The following GRK5 variants were observed in gnomAD, a reference collection of about 807,000 sequenced individuals.
GRK5 encodes the protein G protein-coupled receptor kinase 5.
GRK5 carries 40 observed loss-of-function variants against 78.4 expected under a neutral mutation model. The observed-to-expected ratio is 0.51, with a 90% CI of 0.40 to 0.66. The LOEUF (loss-of-function observed/expected upper bound fraction) is 0.66, where lower values mean the gene tolerates loss of function less well. Among genes scored for constraint, GRK5 ranks in the 30% least tolerant of loss-of-function variants. The pLI, the probability that GRK5 is intolerant of heterozygous loss-of-function variation, is 0.00. For missense variants in GRK5, 598 were observed against 759.9 expected (o/e 0.79, Z 2.50); for synonymous variants, 289 against 296.8 (o/e 0.97, Z 0.27).
intron 2 of GRK5, among the ~76,000 whole-genome samples, chr10:119,380,520 C>G (rs1179105148): frequency 2.0e-5 from 3 of 152,208 alleles, no homozygotes; most frequent in African/African-American, 7.2e-5. Flanking sequence ...TGCTTAATGG[C>G]CACCAAGGAG....
chr10:119,436,929 G>C (rs1056909415), intron 9 of GRK5, 88 bp downstream of exon 9: 2 of 1,261,924 alleles, frequency 1.6e-6, no homozygotes, highest in African/African-American at 3.0e-5. Flanking sequence ...GGTTGCCATC[G>C]CTCTGGGAAT....
intron 1 of GRK5, among the ~76,000 whole-genome samples, chr10:119,313,071 A>ATGG (rs547118391): frequency 4.9e-5 from 1 of 20,306 alleles, no homozygotes; most frequent in Non-Finnish European, 9.8e-5. Flanking sequence ...GGTGGTGGTG[A>ATGG]TGGTGGTGGT....
chr10:119,337,780 C>T (rs1012163114), intron 2 of GRK5, among the ~76,000 whole-genome samples: 45 of 152,066 alleles, frequency 3.0e-4, no homozygotes, highest in Non-Finnish European at 4.1e-4. Flanking sequence ...CCACTGTGCC[C>T]GGCTAATTTT....
chr10:119,275,478 T>C (rs1046023168), intron 1 of GRK5, among the ~76,000 whole-genome samples: 3 of 152,164 alleles, frequency 2.0e-5, no homozygotes, highest in Non-Finnish European at 4.4e-5. Context: ...GGAGAATTGA[T>C]ACAGAGGAAG....
Position 119,366,962 on chromosome 10 carries a change from C to T in GRK5, c.149-13853C>T, listed in dbSNP as rs140341656. Among the ~76,000 whole-genome samples, 3 of 152,300 alleles carry T rather than the reference C, an allele frequency of 2.0e-5. No homozygotes were observed. The East Asian group carries it at 5.8e-4, about 29-fold the overall frequency. ...TCCTTCTCAGTGTCTCGATTTTAGG[C>T]ATCTAAAATGTGGGCTGATGATAGC... On this transcript the variant is annotated intron_variant, in intron 2 of 15. Coordinates refer to ENST00000392870, the MANE Select transcript of GRK5 (RefSeq NM_005308.3).
chr10:119,421,999 C>A (rs1852579730), intron 4 of GRK5, among the ~76,000 whole-genome samples: 1 of 152,184 alleles, frequency 6.6e-6, no homozygotes, highest in African/African-American at 2.4e-5. Flanking sequence ...CTTAGCAAAT[C>A]AGCCCCATAG....
chr10:119,328,815 G>C (rs1850721662), intron 2 of GRK5, among the ~76,000 whole-genome samples: 1 of 152,258 alleles, frequency 6.6e-6, no homozygotes, highest in Non-Finnish European at 1.5e-5. Context: ...TGGCTAAACT[G>C]TCTGCAGGTG....
rs1289718297 is a variant in GRK5, at chr10:119,378,424, G to A, written c.149-2391G>A. ...CATGCTGATCCAAATACTCACTCGG[G>A]AGAGAATGAAACGTTTTAGAGTGCC... On this transcript the variant is annotated intron_variant, in intron 2 of 15. Transcript: ENST00000392870. The surrounding 1 kb of genome is among the most constrained non-coding windows in gnomAD (Gnocchi z 4.5). Among the ~76,000 whole-genome samples the A allele has an allele frequency of 1.3e-5, 2 of 152,218 alleles. No individual in the cohort carries two copies. The highest frequency in any genetic ancestry group is 2.9e-5 in the Non-Finnish European group (2 of 68,030).
chr10:119,313,313 G>A (rs1850429691), intron 1 of GRK5, among the ~76,000 whole-genome samples: 1 of 151,876 alleles, frequency 6.6e-6, no homozygotes, highest in African/African-American at 2.4e-5. Flanking sequence ...TGATGATGGT[G>A]GTGGCAATGG....
intron 2 of GRK5, among the ~76,000 whole-genome samples, chr10:119,344,123 T>G (rs914638077): frequency 6.6e-6 from 1 of 151,932 alleles, no homozygotes; most frequent in Admixed American, 6.5e-5. Flanking sequence ...TTATTTTTTA[T>G]TTTTTTGGCC....
intron 2 of GRK5, among the ~76,000 whole-genome samples, chr10:119,358,694 C>A (rs140135255): frequency 6.7e-4 from 102 of 152,302 alleles, no homozygotes; most frequent in Non-Finnish European, 1.2e-3. Flanking sequence ...AGCACTGAGC[C>A]TCAAGCCTTG....
chr10:119,312,647 G>A (rs1850379436), intron 1 of GRK5, among the ~76,000 whole-genome samples: 1 of 152,180 alleles, frequency 6.6e-6, no homozygotes, highest in Non-Finnish European at 1.5e-5. Context: ...AGGTGAGAGT[G>A]GGAGGAGGTG....
intron 4 of GRK5, among the ~76,000 whole-genome samples, chr10:119,405,392 A>T (rs552858361): frequency 6.6e-6 from 1 of 152,292 alleles, no homozygotes; most frequent in South Asian, 2.1e-4. Flanking sequence ...AGGGTAAGAC[A>T]GGGAAGTTGG....
At chr10:119,400,457 T>G (rs1852130958) in intron 4 of GRK5, among the ~76,000 whole-genome samples, 1 of 152,176 alleles carries the variant, frequency 6.6e-6, no homozygotes, top group African/African-American at 2.4e-5. Flanking sequence ...GCTCCTAGCA[T>G]CTGATGCGTA....
intron 1 of GRK5, among the ~76,000 whole-genome samples, chr10:119,212,207 GA>G (rs1436766196): frequency 6.6e-6 from 1 of 151,750 alleles, no homozygotes; most frequent in Admixed American, 6.6e-5. Context: ...TGGAGGTAGA[GA>G]AACCAAAAGC....
Position 119,452,811 on chromosome 10 carries a change from G to A in GRK5, c.1542+3G>A. The A allele has an allele frequency of 1.3e-6, 2 of 1,498,488 alleles. No homozygotes were observed. Among genetic ancestry groups the A allele is most frequent in the Non-Finnish European group, 1.8e-6 (2 of 1,105,350 alleles). The allele number at this position is 1,498,488 out of a possible 1,614,324, so 92.8% of individuals were successfully genotyped here. A position where few individuals can be genotyped will look rare whatever the true frequency, so the allele number is the denominator to read the frequency against. On this transcript the variant is annotated splice_donor_region_variant and intron_variant, in intron 14 of 15. Transcript: ENST00000392870. The surrounding 1 kb of genome is among the most constrained non-coding windows in gnomAD (Gnocchi z 4.4). The stretch of plus-strand genomic sequence containing the variant: ...TGTCCATCCCATGGCAAAACGAGGT[G>A]AGCAGGGCAGACCACTTGCTTTGGT...
At position 119,455,327 on chromosome 10, in the gene GRK5, C is replaced by T. The variant is rs571813676; in HGVS notation, c.*260C>T. 17 of 662,374 alleles carry T rather than the reference C, an allele frequency of 2.6e-5. No individual in the cohort carries two copies. In the East Asian group the frequency reaches 2.6e-4, roughly 10 times the overall value. The allele number at this position is 662,374 out of a possible 1,614,324, so 41.0% of individuals were successfully genotyped here. On this transcript the variant is annotated 3_prime_UTR_variant, in exon 16 of 16. Coordinates refer to ENST00000392870, the MANE Select transcript of GRK5 (RefSeq NM_005308.3). ...ATTGCAATAGAAATCCAATTGGATA[C>T]GACAACTTGCACGTATTTTAATAGC... is the stretch of plus-strand genomic sequence containing the variant.
intron 4 of GRK5, among the ~76,000 whole-genome samples, chr10:119,419,111 C>T (rs1241343609): frequency 6.6e-6 from 1 of 152,128 alleles, no homozygotes; most frequent in African/African-American, 2.4e-5. Context: ...CTGTAGGGTT[C>T]CCCCCTCTCC....
chr10:119,391,261 G>A (rs1051857178), intron 3 of GRK5, among the ~76,000 whole-genome samples: 1 of 152,238 alleles, frequency 6.6e-6, no homozygotes, highest in African/African-American at 2.4e-5. Flanking sequence ...GCCCAGGCGG[G>A]CACAAGCTCT....
Sources: allele counts gnomAD v4.1 joint callset (sites outside exome capture counted in the v4.1 genomes callset), GRCh38; gene constraint gnomAD v4.1.1; non-coding constraint Gnocchi (gnomAD v3.1); transcripts MANE v1.5; gene names NCBI Gene and HGNC (gene_info 2026-07-23, HGNC 2026-07-21).